UHRF2: variants seen among roughly 807,000 people sequenced by gnomAD.
UHRF2 encodes the protein ubiquitin like with PHD and ring finger domains 2.
Under a neutral mutation model 96.8 loss-of-function variants are expected in UHRF2, and 23 were observed. That is an observed-to-expected ratio of 0.24 (90% CI 0.17 to 0.34). The LOEUF (loss-of-function observed/expected upper bound fraction) is 0.34, where lower values mean the gene tolerates loss of function less well. Ranked by LOEUF, UHRF2 falls within the 10% of genes least tolerant of loss-of-function variation. The probability of loss-of-function intolerance (pLI) is 1.00; values close to 1 mark genes in which losing one functional copy is unlikely to be tolerated. For missense variants in UHRF2, 685 were observed against 981.5 expected (o/e 0.70, Z 4.04); for synonymous variants, 385 against 332.6 (o/e 1.16, Z -1.72).
intron 3 of UHRF2, among the ~76,000 whole-genome samples, chr9:6,455,155 T>C (rs1426235874): frequency 6.6e-6 from 1 of 152,110 alleles, no homozygotes; most frequent in African/African-American, 2.4e-5. Flanking sequence ...TGTTTGTTTA[T>C]ACTTTTAAGT....
chr9:6,414,608 A>T (rs928699098), intron 1 of UHRF2, among the ~76,000 whole-genome samples: 3 of 152,202 alleles, frequency 2.0e-5, no homozygotes, highest in African/African-American at 7.2e-5. Flanking sequence ...AATACACTAA[A>T]AAGTTGGCAT....
intron 10 of UHRF2, 182 bp downstream of exon 10, chr9:6,494,114 T>A: frequency 1.9e-6 from 1 of 528,272 alleles, no homozygotes; most frequent in East Asian, 3.0e-5. Flanking sequence ...TATACTGTTA[T>A]TTTTTAAATG....
At chr9:6,502,326 A>G (rs776537872) in intron 14 of UHRF2, among the ~76,000 whole-genome samples, 7 of 152,050 alleles carry the variant, frequency 4.6e-5, no homozygotes, top group African/African-American at 1.7e-4. Flanking sequence ...CTTTACATAC[A>G]TACTGTTACT....
At chr9:6,489,731 T>C (rs565527606) in intron 9 of UHRF2, among the ~76,000 whole-genome samples, 1 of 143,014 alleles carries the variant, frequency 7.0e-6, no homozygotes, top group East Asian at 1.9e-4. Context: ...GGTTTTTGTT[T>C]TTTTTTTTTT....
intron 1 of UHRF2, among the ~76,000 whole-genome samples, chr9:6,419,933 A>G (rs188870657): frequency 2.0e-5 from 3 of 151,600 alleles, no homozygotes; most frequent in East Asian, 3.9e-4. Flanking sequence ...ATTTATTTTT[A>G]TTTTTTGTAG....
At chr9:6,472,440 C>G (rs1823300566) in intron 4 of UHRF2, among the ~76,000 whole-genome samples, 1 of 152,186 alleles carries the variant, frequency 6.6e-6, no homozygotes, top group African/African-American at 2.4e-5. Flanking sequence ...GATTTTAAGT[C>G]AAGCCAAACT....
At chr9:6,502,044 T>A (rs1816318570) in intron 14 of UHRF2, among the ~76,000 whole-genome samples, 1 of 152,212 alleles carries the variant, frequency 6.6e-6, no homozygotes, top group African/African-American at 2.4e-5. Flanking sequence ...TTATGTACTA[T>A]TGCCCTGGAC....
intron 4 of UHRF2, among the ~76,000 whole-genome samples, chr9:6,473,876 A>G (rs1473471461): frequency 2.6e-5 from 4 of 152,348 alleles, no homozygotes; most frequent in Non-Finnish European, 5.9e-5. Context: ...AATGACAGAA[A>G]AAACTGTTTA....
intron 14 of UHRF2, 108 bp downstream of exon 14, chr9:6,500,817 C>A: frequency 9.2e-7 from 1 of 1,087,890 alleles, no homozygotes; most frequent in Non-Finnish European, 1.3e-6. Flanking sequence ...ATCCTTCTAC[C>A]CGGTTTTCTA....
intron 10 of UHRF2, chr9:6,494,422 A>G (rs1001243210): frequency 1.3e-5 from 2 of 152,528 alleles, no homozygotes; most frequent in African/African-American, 4.8e-5. Flanking sequence ...AAGAGTTGTT[A>G]AAGGGAATGT....
chr9:6,477,526 C>A (rs576660665), intron 5 of UHRF2, 96 bp from the exon 6 acceptor site: 8 of 1,217,972 alleles, frequency 6.6e-6, no homozygotes, highest in East Asian at 2.5e-5. Context: ...AACTCCATTT[C>A]AAAAAAAATG....
At position 6,477,716 on chromosome 9, in the gene UHRF2, C is replaced by T; in HGVS notation, c.1068C>T (p.Pro356=). Residue 356 remains proline, a synonymous_variant, in exon 6 of 16, where the codon CCC becomes CCT. Transcript: ENST00000276893. ...SCRVCGGKHE[P]NMQLLCDECN... Reference sequence around the variant, plus strand: ...GTGTATGTGGTGGGAAACATGAACCCAACATGCAGCTTCTGTGTGATGAAT... The same window carrying T: ...GTGTATGTGGTGGGAAACATGAACCTAACATGCAGCTTCTGTGTGATGAAT... 6.2e-7 allele frequency: 1 copy of T among 1,614,084 alleles called. No homozygotes were observed.
chr9:6,483,472 CTG>C (rs1824053659), intron 8 of UHRF2, among the ~76,000 whole-genome samples: 1 of 151,852 alleles, frequency 6.6e-6, no homozygotes, highest in African/African-American at 2.4e-5. Flanking sequence ...GTTGTTAACA[CTG>C]TATTGTTTGC....
chr9:6,460,933 A>G, intron 4 of UHRF2, 142 bp downstream of exon 4: 1 of 657,466 alleles, frequency 1.5e-6, no homozygotes, highest in Non-Finnish European at 2.4e-6. Flanking sequence ...GAATATTTTT[A>G]TAAATTCTTA....
rs552439611 is a variant in UHRF2 at position 6,413,773 on chromosome 9, C to T, written c.153+130C>T. The T allele has an allele frequency of 1.7e-4, 203 of 1,194,832 alleles. 2 individuals are homozygous for T. The South Asian group carries it at 4.3e-3, about 25-fold the overall frequency. 74.0% of individuals were successfully genotyped at this position (1,194,832 alleles called of 1,614,324 possible). On this transcript the variant is annotated intron_variant, in intron 1 of 15. Coordinates refer to ENST00000276893, the MANE Select transcript of UHRF2 (RefSeq NM_152896.3). ...ACCTGGCTCCGCTGCGGGTGGGCAG[C>T]CCCCGCGAGGCGCGGGGTGCGGGGC...
rs1000225075 is a variant in UHRF2 at position 6,500,841 on chromosome 9, A to C, written c.2163+132A>C. The C allele has an allele frequency of 1.3e-5, 10 of 781,828 alleles. No homozygotes were observed. In the African/African-American group the frequency reaches 1.6e-4, roughly 12 times the overall value. The allele number at this position is 781,828 out of a possible 1,614,324, so 48.4% of individuals were successfully genotyped here. On this transcript the variant is annotated intron_variant, in intron 14 of 15. Coordinates refer to ENST00000276893, the MANE Select transcript of UHRF2 (RefSeq NM_152896.3). The stretch of plus-strand genomic sequence containing the variant: ...CCCGGTTTTCTAATCCAGTGCCACT[A>C]CCTTTCAGAAATAATCTGAGGCAAC...
intron 3 of UHRF2, among the ~76,000 whole-genome samples, 195 bp from the exon 4 acceptor site, chr9:6,460,378 G>A (rs963809461): frequency 7.9e-5 from 12 of 152,126 alleles, no homozygotes; most frequent in African/African-American, 2.9e-4. Flanking sequence ...TGCTGATATA[G>A]AAACTACCCT....
chr9:6,416,920 A>G (rs567223935), intron 1 of UHRF2, among the ~76,000 whole-genome samples: 4 of 152,212 alleles, frequency 2.6e-5, no homozygotes, highest in Non-Finnish European at 4.4e-5. Context: ...GTCTTAAAAT[A>G]GATAACAATG....
chr9:6,431,832 T>C lies in UHRF2; in HGVS notation c.385-2082T>C, dbSNP rs553092983. Among the ~76,000 whole-genome samples the C allele has an allele frequency of 1.7e-4, 26 of 152,368 alleles. No individual in the cohort carries two copies. In the South Asian group the frequency reaches 4.1e-3, roughly 24 times the overall value. On this transcript the variant is annotated intron_variant, in intron 2 of 15. Transcript: ENST00000276893. Reference sequence around the variant, plus strand: ...ATTTGTGCCGCCTCGTGTTCCTTAGTAAGGTTGATGATATAGCTTAATGTG... The same window carrying C: ...ATTTGTGCCGCCTCGTGTTCCTTAGCAAGGTTGATGATATAGCTTAATGTG...
Sources: allele counts gnomAD v4.1 joint callset (sites outside exome capture counted in the v4.1 genomes callset), GRCh38; gene constraint gnomAD v4.1.1; transcripts MANE v1.5; gene names NCBI Gene and HGNC (gene_info 2026-07-23, HGNC 2026-07-21).